GUCY1A2: variants seen among roughly 807,000 people sequenced by gnomAD.
GUCY1A2 encodes guanylate cyclase soluble subunit alpha-2.
GUCY1A2 carries 27 observed loss-of-function variants against 63.5 expected under a neutral mutation model. The observed-to-expected ratio is 0.43, with a 90% confidence interval of 0.31 to 0.59. The LOEUF (loss-of-function observed/expected upper bound fraction) is 0.59, where lower values mean the gene tolerates loss of function less well. Among genes scored for constraint, GUCY1A2 ranks in the 20% least tolerant of loss-of-function variants. GUCY1A2 has a pLI of 0.11. For missense variants in GUCY1A2, 768 were observed against 913.3 expected (o/e 0.84, Z 2.05); for synonymous variants, 364 against 343.5 (o/e 1.06, Z -0.66).
intron 4 of GUCY1A2, among the ~76,000 whole-genome samples, chr11:106,864,486 T>C (rs962107297): frequency 1.3e-5 from 2 of 152,108 alleles, no homozygotes; most frequent in African/African-American, 4.8e-5. Context: ...AGGGCATCCT[T>C]GTCTTGTGCC....
intron 5 of GUCY1A2, among the ~76,000 whole-genome samples, chr11:106,784,954 T>C (rs940399530): frequency 6.6e-5 from 10 of 152,142 alleles, no homozygotes; most frequent in African/African-American, 2.2e-4. Flanking sequence ...GAACTGAAAG[T>C]CCTCAGCTGG....
chr11:107,004,587 C>T (rs1453475288), intron 1 of GUCY1A2, among the ~76,000 whole-genome samples: 1 of 152,142 alleles, frequency 6.6e-6, no homozygotes, highest in Non-Finnish European at 1.5e-5. Context: ...GAGAGCAACG[C>T]TGACAAGGTT....
intron 4 of GUCY1A2, among the ~76,000 whole-genome samples, chr11:106,855,704 C>T (rs1859419987): frequency 6.6e-6 from 1 of 151,946 alleles, no homozygotes; most frequent in Admixed American, 6.6e-5. Context: ...ATTAATTGAC[C>T]ATAAAGGTAA....
At chr11:106,912,207 T>C (rs1236658064) in intron 4 of GUCY1A2, among the ~76,000 whole-genome samples, 1 of 152,064 alleles carries the variant, frequency 6.6e-6, no homozygotes, top group Non-Finnish European at 1.5e-5. Flanking sequence ...TCCCATCTTT[T>C]TTTTTAACCA....
At chr11:106,820,127 G>T (rs2129736) in intron 4 of GUCY1A2, among the ~76,000 whole-genome samples, 120 of 152,140 alleles carry the variant, frequency 7.9e-4, no homozygotes, top group African/African-American at 2.6e-3. Flanking sequence ...ATGTGTATGT[G>T]TGTTTTGATT....
intron 4 of GUCY1A2, among the ~76,000 whole-genome samples, chr11:106,888,113 G>C (rs1043796409): frequency 1.3e-5 from 2 of 152,096 alleles, no homozygotes; most frequent in African/African-American, 4.8e-5. Context: ...GGGCACAGAT[G>C]ATTCTCTGGG....
intron 2 of GUCY1A2, among the ~76,000 whole-genome samples, chr11:106,980,702 T>A (rs928627842): frequency 2.6e-5 from 4 of 152,194 alleles, no homozygotes; most frequent in African/African-American, 9.7e-5. Context: ...TCGAAGGGGA[T>A]GTATCCTAGC....
intron 7 of GUCY1A2, among the ~76,000 whole-genome samples, chr11:106,703,643 G>T (rs1484545910): frequency 6.6e-6 from 1 of 152,074 alleles, no homozygotes; most frequent in Non-Finnish European, 1.5e-5. Context: ...TGACGCCCAC[G>T]CTGATTTTAG....
At chr11:106,763,332 G>A (rs920526087) in intron 6 of GUCY1A2, among the ~76,000 whole-genome samples, 3 of 151,888 alleles carry the variant, frequency 2.0e-5, no homozygotes, top group African/African-American at 4.8e-5. Context: ...GAGGGGTCCC[G>A]AGAGTGGGGG....
chr11:106,972,657 CAGA>C (rs1378413764), intron 3 of GUCY1A2, among the ~76,000 whole-genome samples: 17 of 152,180 alleles, frequency 1.1e-4, no homozygotes, highest in Admixed American at 3.3e-4. Context: ...TCACAAGATT[CAGA>C]AGAAGATGTT....
rs1015183628 is a variant in GUCY1A2, at chr11:106,955,055, C to T, written c.488-14877G>A. Among the ~76,000 whole-genome samples the T allele has an allele frequency of 8.6e-5, 13 of 152,042 alleles. No homozygotes were observed. The East Asian group carries it at 1.4e-3, about 16-fold the overall frequency. On this transcript the variant is annotated intron_variant, in intron 3 of 7. Transcript: ENST00000526355. Reference sequence around the variant, plus strand: ...GTGCAATGGCATGATCTCGGCTCACCGCAACCTCCCAGGTTCAAGCAATTC... The same window carrying T: ...GTGCAATGGCATGATCTCGGCTCACTGCAACCTCCCAGGTTCAAGCAATTC...
At chr11:107,009,785 AG>A (rs1861718851) in intron 1 of GUCY1A2, among the ~76,000 whole-genome samples, 1 of 152,236 alleles carries the variant, frequency 6.6e-6, no homozygotes, top group African/African-American at 2.4e-5. Flanking sequence ...TTAATCCCAA[AG>A]GAAGCGACTT....
chr11:106,709,680 ATAT>A (rs1482688782), intron 6 of GUCY1A2, among the ~76,000 whole-genome samples: 6 of 52,094 alleles, frequency 1.2e-4, no homozygotes, highest in African/African-American at 6.8e-4. Context: ...ATATATAGTT[ATAT>A]ATTATATACA....
chr11:106,871,545 C>T (rs1250566443), intron 4 of GUCY1A2, among the ~76,000 whole-genome samples: 1 of 152,066 alleles, frequency 6.6e-6, no homozygotes, highest in Non-Finnish European at 1.5e-5. Flanking sequence ...AAGGAATTCT[C>T]CCTGTGTATC....
intron 1 of GUCY1A2, among the ~76,000 whole-genome samples, chr11:107,008,594 T>C (rs990031283): frequency 1.3e-5 from 2 of 152,182 alleles, no homozygotes; most frequent in Non-Finnish European, 2.9e-5. Context: ...AAACATTTAT[T>C]GAGTGCCTTT....
At chr11:106,717,579 G>A (rs1461102969) in intron 6 of GUCY1A2, among the ~76,000 whole-genome samples, 1 of 152,130 alleles carries the variant, frequency 6.6e-6, no homozygotes, top group East Asian at 1.9e-4. Flanking sequence ...AATAGAAAAA[G>A]AAGAAAGTCT....
chr11:106,991,823 T>C (rs1033631722), intron 1 of GUCY1A2, among the ~76,000 whole-genome samples: 7 of 152,200 alleles, frequency 4.6e-5, no homozygotes, highest in African/African-American at 1.7e-4. Context: ...TGCAAATAAT[T>C]CAGCATTTAG....
intron 7 of GUCY1A2, among the ~76,000 whole-genome samples, chr11:106,698,117 G>C (rs1262211082): frequency 1.4e-5 from 1 of 72,874 alleles, no homozygotes; most frequent in Non-Finnish European, 2.6e-5. Context: ...CTGAATGTTA[G>C]AATTTTTTTT....
intron 4 of GUCY1A2, among the ~76,000 whole-genome samples, chr11:106,925,664 G>A (rs1048387886): frequency 4.6e-5 from 7 of 152,046 alleles, no homozygotes; most frequent in African/African-American, 7.2e-5. Context: ...ATAAGTTAAC[G>A]GTTGGTCTGA....
Sources: allele counts gnomAD v4.1 joint callset (sites outside exome capture counted in the v4.1 genomes callset), GRCh38; gene constraint gnomAD v4.1.1; transcripts MANE v1.5; gene names NCBI Gene and HGNC (gene_info 2026-07-23, HGNC 2026-07-21).